Variants in BCL2 observed in about 807,000 individuals in gnomAD.
BCL2 encodes the protein BCL2 apoptosis regulator.
BCL2 carries 1 observed loss-of-function variant against 14.2 expected under a neutral mutation model. The observed-to-expected ratio is 0.07, with a 90% CI of 0.02 to 0.33. BCL2 has a LOEUF of 0.33. Among genes scored for constraint, BCL2 ranks in the 10% least tolerant of loss-of-function variants. The pLI, the probability that BCL2 is intolerant of heterozygous loss-of-function variation, is 0.99. For missense variants in BCL2, 247 were observed against 305.9 expected, an observed-to-expected ratio of 0.81 and a Z score of 1.44; for synonymous variants, 151 against 137.2, an observed-to-expected ratio of 1.10 and a Z score of -0.70.
chr18:63,242,451 G>C (rs1911033691), intron 2 of BCL2, among the ~76,000 whole-genome samples: 1 of 152,240 alleles, frequency 6.6e-6, no homozygotes, highest in African/African-American at 2.4e-5. Flanking sequence ...GCCAGTGTTG[G>C]AGAGTGCAAA....
chr18:63,143,641 G>A (rs1914428389), intron 2 of BCL2, among the ~76,000 whole-genome samples: 1 of 152,270 alleles, frequency 6.6e-6, no homozygotes, highest in Non-Finnish European at 1.5e-5. Flanking sequence ...CATTGCAAAT[G>A]GAATTTGAAC....
intron 2 of BCL2, among the ~76,000 whole-genome samples, chr18:63,227,704 T>C (rs1910586448): frequency 6.6e-6 from 1 of 152,224 alleles, no homozygotes; most frequent in African/African-American, 2.4e-5. Flanking sequence ...ATTCCAAATA[T>C]ATGAGTAATC....
At chr18:63,179,838 T>C (rs902447981) in intron 2 of BCL2, among the ~76,000 whole-genome samples, 2 of 152,218 alleles carry the variant, frequency 1.3e-5, no homozygotes, top group African/African-American at 2.4e-5. Context: ...CCAGGTATTA[T>C]AGTGTTTAGA....
intron 2 of BCL2, among the ~76,000 whole-genome samples, chr18:63,221,334 C>A (rs1292937260): frequency 6.6e-6 from 1 of 151,888 alleles, no homozygotes; most frequent in East Asian, 1.9e-4. Context: ...AGCAAAATGG[C>A]AAACAACAGG....
chr18:63,204,044 C>G (rs1909770915), intron 2 of BCL2, among the ~76,000 whole-genome samples: 1 of 152,180 alleles, frequency 6.6e-6, no homozygotes, highest in Non-Finnish European at 1.5e-5. Flanking sequence ...AACAGCACCA[C>G]AGAAATAGGA....
chr18:63,155,937 T>C (rs1914769745), intron 2 of BCL2, among the ~76,000 whole-genome samples: 1 of 152,000 alleles, frequency 6.6e-6, no homozygotes. Flanking sequence ...CCCCAGCCAG[T>C]GTGGGCCATT....
intron 2 of BCL2, among the ~76,000 whole-genome samples, chr18:63,131,501 C>T (rs1448849741): frequency 6.6e-6 from 1 of 152,204 alleles, no homozygotes; most frequent in African/African-American, 2.4e-5. Context: ...AGGAAGGAGT[C>T]AGGACTTCTC....
chr18:63,123,893 A>C lies in BCL2; in HGVS notation c.*4732T>G, dbSNP rs1360521500. On this transcript the variant is annotated 3_prime_UTR_variant, in exon 3 of 3. Transcript: ENST00000333681. Reference sequence around the variant, plus strand: ...TGGATTTACTCAGTATCTACACTACAGTCTTATTTATTAATAGTCTCAGAA... The same window carrying C: ...TGGATTTACTCAGTATCTACACTACCGTCTTATTTATTAATAGTCTCAGAA... 1 of 218,866 alleles carries C rather than the reference A, an allele frequency of 4.6e-6. No individual in the cohort carries two copies. The highest frequency in any genetic ancestry group is 9.2e-6 in the Non-Finnish European group (1 of 108,914). 13.6% of individuals were successfully genotyped at this position (218,866 alleles called of 1,614,324 possible).
At chr18:63,284,453 G>A (rs537974122) in intron 2 of BCL2, among the ~76,000 whole-genome samples, 1 of 152,300 alleles carries the variant, frequency 6.6e-6, no homozygotes, top group South Asian at 2.1e-4. Context: ...GGGGACCCCA[G>A]AAGTCCTATT....
intron 2 of BCL2, chr18:63,313,786 G>T (rs1176964237): frequency 3.9e-5 from 6 of 152,062 alleles, no homozygotes; most frequent in African/African-American, 1.4e-4. Flanking sequence ...ACAGAGATAA[G>T]AAAAAACAAC....
chr18:63,237,885 C>T (rs117215930), intron 2 of BCL2, among the ~76,000 whole-genome samples: 3,694 of 152,120 alleles, frequency 0.024, 63 homozygotes, highest in Middle Eastern at 0.038. Context: ...TTTAAAAGAA[C>T]CCTTGGCCGC....
Position 63,183,981 on chromosome 18 carries a change from C to T in BCL2, c.586-55222G>A, listed in dbSNP as rs4987793. Among the ~76,000 whole-genome samples, 864 of 152,302 alleles carry T rather than the reference C, an allele frequency of 5.7e-3. 14 individuals are homozygous for T. The highest frequency in any genetic ancestry group is 0.02 in the African/African-American group (834 of 41,566). On this transcript the variant is annotated intron_variant, in intron 2 of 2. Coordinates refer to ENST00000333681, the MANE Select transcript of BCL2 (RefSeq NM_000633.3). ...GCCCTGCCCTCAAACATACCATCCC[C>T]AGGACCACAGTGGCACAGACGCATG...
intron 2 of BCL2, among the ~76,000 whole-genome samples, chr18:63,274,145 T>C (rs1232415775): frequency 6.6e-6 from 1 of 152,172 alleles, no homozygotes; most frequent in Admixed American, 6.5e-5. Flanking sequence ...CTCTATCCTC[T>C]GAGTTGGCCA....
chr18:63,295,402 C>G (rs1912771616), intron 2 of BCL2, among the ~76,000 whole-genome samples: 1 of 152,060 alleles, frequency 6.6e-6, no homozygotes, highest in Non-Finnish European at 1.5e-5. Context: ...CTCAGTGCCC[C>G]CAGCACATCA....
At chr18:63,146,138 A>G (rs1268880762) in intron 2 of BCL2, among the ~76,000 whole-genome samples, 1 of 151,998 alleles carries the variant, frequency 6.6e-6, no homozygotes, top group Non-Finnish European at 1.5e-5. Context: ...CTCAGCTCCG[A>G]TCCCCACAAC....
At chr18:63,150,536 T>G (rs1015687867) in intron 2 of BCL2, among the ~76,000 whole-genome samples, 1 of 119,064 alleles carries the variant, frequency 8.4e-6, no homozygotes. Context: ...CTCTCCGCAT[T>G]TTCTTGGCTC....
At chr18:63,304,971 G>C (rs1913078031) in intron 2 of BCL2, among the ~76,000 whole-genome samples, 1 of 152,206 alleles carries the variant, frequency 6.6e-6, no homozygotes, top group African/African-American at 2.4e-5. Context: ...ATTGGCCCCT[G>C]TTGAAAGGGG....
intron 2 of BCL2, among the ~76,000 whole-genome samples, chr18:63,212,171 C>CA (rs1169170941): frequency 6.6e-6 from 1 of 150,458 alleles, no homozygotes; most frequent in Non-Finnish European, 1.5e-5. Context: ...ACTAAAAATA[C>CA]AAAAATTAGC....
intron 2 of BCL2, among the ~76,000 whole-genome samples, chr18:63,224,459 T>C (rs2144166163): frequency 6.6e-6 from 1 of 152,348 alleles, no homozygotes; most frequent in African/African-American, 2.4e-5. Context: ...CAGTGGCAGC[T>C]TTCTGATAGC....
Sources: allele counts gnomAD v4.1 joint callset (sites outside exome capture counted in the v4.1 genomes callset), GRCh38; gene constraint gnomAD v4.1.1; transcripts MANE v1.5; gene names NCBI Gene and HGNC (gene_info 2026-07-23, HGNC 2026-07-21).